Variants in COL4A5 observed in about 807,000 individuals in gnomAD.
COL4A5 encodes the protein collagen type IV alpha 5 chain, also known as collagen alpha-5(IV) chain.
Under a neutral mutation model 130.2 loss-of-function variants are expected in COL4A5, and 26 were observed. That is an observed-to-expected ratio of 0.20 (90% CI 0.15 to 0.28). The LOEUF (loss-of-function observed/expected upper bound fraction) is 0.28. Ranked by LOEUF, COL4A5 falls within the 10% of genes least tolerant of loss-of-function variation. The pLI, the probability that COL4A5 is intolerant of heterozygous loss-of-function variation, is 1.00. For missense variants in COL4A5, 1,131 were observed against 1,344.3 expected, an observed-to-expected ratio of 0.84 and a Z score of 2.48; for synonymous variants, 496 against 439.6, an observed-to-expected ratio of 1.13 and a Z score of -1.60.
intron 13 of COL4A5, among the ~76,000 whole-genome samples, chrX:108,580,020 CT>C (rs1424539730): frequency 8.9e-6 from 1 of 111,750 alleles, no homozygotes; most frequent in Non-Finnish European, 1.9e-5. Flanking sequence ...ACCCTATTAT[CT>C]TTGGTTGTAC....
At chrX:108,495,216 A>G (rs1451621114) in intron 1 of COL4A5, among the ~76,000 whole-genome samples, 1 of 111,282 alleles carries the variant, frequency 9.0e-6, no homozygotes, top group African/African-American at 3.3e-5. Context: ...AAAAAAGTTA[A>G]CTCAGAATGG....
chrX:108,470,060 T>A lies in COL4A5; in HGVS notation c.81+29854T>A, dbSNP rs140844493. Among the ~76,000 whole-genome samples, 19 of 112,474 alleles carry A rather than the reference T, an allele frequency of 1.7e-4. No individual in the cohort carries two copies. In the East Asian group the frequency reaches 5.0e-3, roughly 30 times the overall value. On this transcript the variant is annotated intron_variant, in intron 1 of 52. Coordinates refer to ENST00000328300, the MANE Select transcript of COL4A5 (RefSeq NM_033380.3). ...TCGATGGGAATCTAGGTTGATTCCATGTCTTTGCTATTGTGAATGGTACTG... is the reference window on the plus strand; with the variant it reads ...TCGATGGGAATCTAGGTTGATTCCAAGTCTTTGCTATTGTGAATGGTACTG...
intron 6 of COL4A5, 83 bp from the exon 7 acceptor site, chrX:108,571,330 T>C: frequency 1.3e-6 from 1 of 760,105 alleles, no homozygotes. Context: ...TTTATAGAAA[T>C]CTTTTCAAGA....
chrX:108,626,630 T>G, intron 36 of COL4A5: 1 of 1,059,557 alleles, frequency 9.4e-7, no homozygotes, highest in Non-Finnish European at 1.2e-6. Context: ...ATTTTTCTGG[T>G]CTTGTTAGTC....
Position 108,460,612 on chromosome X carries a change from C to T in COL4A5, c.81+20406C>T, listed in dbSNP as rs987154656. On this transcript the variant is annotated intron_variant, in intron 1 of 52. Transcript: ENST00000328300. ...TCAAGCAATTCTCCTGCCTCAGCCT[C>T]CTGAGTAGATGGGATTACAGATGCC... Among the ~76,000 whole-genome samples the T allele has an allele frequency of 7.6e-5, 8 of 105,614 alleles. No individual in the cohort carries two copies. In the South Asian group the frequency reaches 3.6e-3, roughly 47 times the overall value. The allele number at this position is 105,614 out of a possible 115,157, so 91.7% of individuals were successfully genotyped here. A position where few individuals can be genotyped will look rare whatever the true frequency, so the allele number is the denominator to read the frequency against.
chrX:108,547,393 G>A (rs2065676596), intron 2 of COL4A5, among the ~76,000 whole-genome samples: 1 of 111,862 alleles, frequency 8.9e-6, no homozygotes, highest in Admixed American at 9.5e-5. Flanking sequence ...CTGTTTGCAT[G>A]GGTATCAGCA....
intron 1 of COL4A5, among the ~76,000 whole-genome samples, chrX:108,515,659 A>G (rs770084850): frequency 9.0e-6 from 1 of 111,363 alleles, no homozygotes; most frequent in East Asian, 2.8e-4. Flanking sequence ...TAATTGCTAT[A>G]TTTGAGTGAC....
In COL4A5 at chrX:108,663,508, A is replaced by G. The variant is rs752798745; in HGVS notation, c.3374-1999A>G. 8.1e-5 allele frequency among the ~76,000 whole-genome samples: 9 copies of G among 111,572 alleles called. No homozygotes were observed. The East Asian group carries it at 2.5e-3, about 32-fold the overall frequency. ...AACCAAACACTGCATGTTCTCACTG[A>G]CATGTGGGAGCTGAACAATGAGAAT... On this transcript the variant is annotated intron_variant, in intron 37 of 52. Transcript: ENST00000328300.
intron 20 of COL4A5, 99 bp from the exon 21 acceptor site, chrX:108,591,462 T>G: frequency 4.1e-6 from 3 of 740,188 alleles, no homozygotes; most frequent in South Asian, 4.6e-5. Context: ...CTTTTATTTC[T>G]TCAGAGAATA....
chrX:108,490,803 C>T (rs1432670336), intron 1 of COL4A5, among the ~76,000 whole-genome samples: 1 of 110,622 alleles, frequency 9.0e-6, no homozygotes, highest in East Asian at 2.8e-4. Context: ...CATCCTTCCA[C>T]CCTCTGTTCT....
rs1233214492 is a variant in COL4A5 at position 108,578,093 on chromosome X, A to G, written c.661A>G (p.Asn221Asp). 8.3e-7 allele frequency: 1 copy of G among 1,210,782 alleles called. No homozygotes were observed. The highest frequency in any genetic ancestry group is 2.2e-5 in the Admixed American group (1 of 45,982). Residue 221 changes from asparagine to aspartate, a missense_variant, in exon 12 of 53, where the codon AAT becomes GAT. Transcript: ENST00000328300. The part of the protein sequence containing the change: ...LPGPKGNMGL[N>D]FQGPKGEKGE... ...CTCTCTCCAGGGGAATATGGGCTTA[A>G]ATTTCCAGGGACCCAAAGGTGAAAA...
At chrX:108,603,821 T>C (rs1389746009) in intron 28 of COL4A5, among the ~76,000 whole-genome samples, 2 of 112,349 alleles carry the variant, frequency 1.8e-5, no homozygotes, top group African/African-American at 6.5e-5. Flanking sequence ...GCTGCTGCTT[T>C]ATCAACTAAG....
At chrX:108,585,461 A>G (rs1376393687) in intron 18 of COL4A5, among the ~76,000 whole-genome samples, 1 of 112,051 alleles carries the variant, frequency 8.9e-6, no homozygotes, top group African/African-American at 3.2e-5. Context: ...TTTAATAAGT[A>G]TCAGAAGAAA....
chrX:108,590,366 A>G (rs755787229), intron 19 of COL4A5, among the ~76,000 whole-genome samples: 21 of 111,560 alleles, frequency 1.9e-4, no homozygotes, highest in Non-Finnish European at 3.4e-4. Flanking sequence ...CCAACAATAC[A>G]TGTGTAAGAC....
chrX:108,644,172 C>T (rs746006000), intron 36 of COL4A5, among the ~76,000 whole-genome samples: 1 of 111,855 alleles, frequency 8.9e-6, no homozygotes, highest in Non-Finnish European at 1.9e-5. Context: ...GGGCCTTGTC[C>T]AACAGGAAAA....
At chrX:108,501,129 C>T (rs1299179481) in intron 1 of COL4A5, among the ~76,000 whole-genome samples, 1 of 111,000 alleles carries the variant, frequency 9.0e-6, no homozygotes, top group African/African-American at 3.3e-5. Flanking sequence ...TAGAGACAAA[C>T]GATGAGGCAA....
chrX:108,616,339 G>T (rs975154562), intron 30 of COL4A5, among the ~76,000 whole-genome samples: 2 of 110,223 alleles, frequency 1.8e-5, no homozygotes, highest in African/African-American at 6.6e-5. Flanking sequence ...GGGCTCAAAC[G>T]ATTCTCCTGC....
chrX:108,447,266 CT>C (rs1174089846), intron 1 of COL4A5, among the ~76,000 whole-genome samples: 2 of 111,412 alleles, frequency 1.8e-5, no homozygotes, highest in Admixed American at 9.6e-5. Flanking sequence ...AATTCTTAAT[CT>C]TTTTTTTCCA....
rs1010818847 is a variant in COL4A5, at chrX:108,627,600, T to A, written c.3246+1251T>A. On this transcript the variant is annotated intron_variant, in intron 36 of 52. Transcript: ENST00000328300. ...GTTTCATAAAAGTGTAATTGTTGGATCAAAGGATAAGTGCATTTAATTTTT... is the reference window on the plus strand; with the variant it reads ...GTTTCATAAAAGTGTAATTGTTGGAACAAAGGATAAGTGCATTTAATTTTT... 7 of 696,353 alleles carry A rather than the reference T, an allele frequency of 1.0e-5. 1 individual carries two copies. In the Admixed American group the frequency reaches 6.3e-4, roughly 62 times the overall value. The allele number at this position is 696,353 out of a possible 1,213,427, so 57.4% of individuals were successfully genotyped here.
Sources: allele counts gnomAD v4.1 joint callset (sites outside exome capture counted in the v4.1 genomes callset), GRCh38; gene constraint gnomAD v4.1.1; transcripts MANE v1.5; gene names NCBI Gene and HGNC (gene_info 2026-07-23, HGNC 2026-07-21).